The following IGF1 variants were observed in gnomAD, a reference collection of about 807,000 sequenced individuals.
IGF1 encodes the protein insulin like growth factor 1, also known as insulin-like growth factor 1.
In IGF1, 4 loss-of-function variants were observed where a neutral mutation model predicts 13.8. The observed-to-expected ratio is 0.29, with a 90% CI of 0.14 to 0.66. The LOEUF (loss-of-function observed/expected upper bound fraction) is 0.66. Among genes scored for constraint, IGF1 ranks in the 30% least tolerant of loss-of-function variants. The probability of loss-of-function intolerance (pLI) is 0.78; values close to 1 mark genes in which losing one functional copy is unlikely to be tolerated. For synonymous variants in IGF1, 76 were observed against 72.6 expected (o/e 1.05, Z -0.23); for missense variants, 124 against 188.5 (o/e 0.66, Z 2.00).
chr12:102,437,590 A>G (rs1219351246), intron 2 of IGF1, among the ~76,000 whole-genome samples: 1 of 152,208 alleles, frequency 6.6e-6, no homozygotes, highest in African/African-American at 2.4e-5. Context: ...AGAAGTAGAG[A>G]GTAGAATAGT....
At chr12:102,441,089 C>A (rs1033301594) in intron 2 of IGF1, among the ~76,000 whole-genome samples, 1 of 152,192 alleles carries the variant, frequency 6.6e-6, no homozygotes, top group Admixed American at 6.5e-5. Flanking sequence ...GCAGTCCCTT[C>A]ACTGCACTTT....
chr12:102,442,150 T>A (rs1468985182), intron 2 of IGF1, among the ~76,000 whole-genome samples: 1 of 150,722 alleles, frequency 6.6e-6, no homozygotes, highest in Non-Finnish European at 1.5e-5. Flanking sequence ...GGTCTCACTA[T>A]GCTGCTCAGG....
intron 2 of IGF1, among the ~76,000 whole-genome samples, chr12:102,429,291 T>G (rs1876521841): frequency 6.6e-6 from 1 of 152,204 alleles, no homozygotes; most frequent in Non-Finnish European, 1.5e-5. Context: ...TCTTAATATA[T>G]TATTGCTTAA....
intron 2 of IGF1, among the ~76,000 whole-genome samples, chr12:102,466,775 C>A (rs564299469): frequency 6.6e-6 from 1 of 151,976 alleles, no homozygotes; most frequent in East Asian, 1.9e-4. Flanking sequence ...TGGTGGCATG[C>A]GCCTATGGTC....
At chr12:102,418,091 T>C in intron 3 of IGF1, 1 of 1,401,542 alleles carries the variant, frequency 7.1e-7, no homozygotes, top group Non-Finnish European at 9.8e-7. Context: ...AGGCTCCATA[T>C]GATGCAGGAG....
chr12:102,473,113 A>G lies in IGF1; in HGVS notation c.220+2530T>C, dbSNP rs111563920. On this transcript the variant is annotated intron_variant, in intron 2 of 3. Transcript: ENST00000337514. Reference sequence around the variant, plus strand: ...TACTATAGCATCCAGGCTATGAGCTAGACACTTGGATTCAAATGTAAATAA... The same window carrying G: ...TACTATAGCATCCAGGCTATGAGCTGGACACTTGGATTCAAATGTAAATAA... 8.7e-4 allele frequency among the ~76,000 whole-genome samples: 133 copies of G among 152,326 alleles called. 1 individual carries two copies. Among genetic ancestry groups the G allele is most frequent in the South Asian group, 3.5e-3 (17 of 4,826 alleles).
chr12:102,441,958 T>TTCTTCTTC (rs1180940405), intron 2 of IGF1, among the ~76,000 whole-genome samples: 2,386 of 41,014 alleles, frequency 0.058, 43 homozygotes, highest in East Asian at 0.17. Context: ...TCTTCTTCTT[T>TTCTTCTTC]TTTTTTTTTG....
intron 2 of IGF1, among the ~76,000 whole-genome samples, chr12:102,432,933 C>T (rs898455613): frequency 5.9e-5 from 9 of 152,192 alleles, no homozygotes; most frequent in African/African-American, 1.4e-4. Flanking sequence ...TCACCAAGTA[C>T]GTATGAGGTT....
intron 2 of IGF1, among the ~76,000 whole-genome samples, chr12:102,443,117 G>C (rs951175702): frequency 6.6e-6 from 1 of 151,988 alleles, no homozygotes; most frequent in Non-Finnish European, 1.5e-5. Context: ...CTCAGGGATA[G>C]CGTCTTTGGC....
chr12:102,425,848 A>C (rs1876155250), intron 2 of IGF1, among the ~76,000 whole-genome samples: 1 of 152,224 alleles, frequency 6.6e-6, no homozygotes, highest in African/African-American at 2.4e-5. Flanking sequence ...ACAATTTACT[A>C]GCTTAGGTCT....
At chr12:102,458,754 A>G (rs1424445590) in intron 2 of IGF1, among the ~76,000 whole-genome samples, 1 of 151,712 alleles carries the variant, frequency 6.6e-6, no homozygotes, top group African/African-American at 2.4e-5. Context: ...AAAACCAAAA[A>G]CAAAGTGCTG....
intron 2 of IGF1, among the ~76,000 whole-genome samples, chr12:102,443,920 G>A (rs921910092): frequency 5.3e-5 from 8 of 151,814 alleles, no homozygotes; most frequent in Admixed American, 3.3e-4. Flanking sequence ...TCTGCCTCCC[G>A]GGGTTCAAGT....
At chr12:102,478,158 A>G (rs1307428517) in intron 1 of IGF1, among the ~76,000 whole-genome samples, 1 of 151,976 alleles carries the variant, frequency 6.6e-6, no homozygotes, top group Non-Finnish European at 1.5e-5. Flanking sequence ...TGAAAACAAT[A>G]CCGAACTTGC....
intron 2 of IGF1, among the ~76,000 whole-genome samples, chr12:102,469,700 C>T (rs151019974): frequency 6.6e-6 from 1 of 152,110 alleles, no homozygotes; most frequent in Non-Finnish European, 1.5e-5. Context: ...TTGGAAGCAT[C>T]TCCCTATGCT....
intron 2 of IGF1, among the ~76,000 whole-genome samples, chr12:102,452,984 T>G (rs1008589129): frequency 6.6e-6 from 1 of 152,230 alleles, no homozygotes; most frequent in Non-Finnish European, 1.5e-5. Flanking sequence ...AAAAAGGCTT[T>G]AATTAAATTG....
At chr12:102,464,957 G>A (rs1265296254) in intron 2 of IGF1, among the ~76,000 whole-genome samples, 2 of 152,130 alleles carry the variant, frequency 1.3e-5, no homozygotes, top group South Asian at 2.1e-4. Flanking sequence ...ATCACCTCGT[G>A]GGGAACAAAG....
chr12:102,445,917 A>G (rs1878280568), intron 2 of IGF1, among the ~76,000 whole-genome samples: 1 of 152,060 alleles, frequency 6.6e-6, no homozygotes, highest in South Asian at 2.1e-4. Flanking sequence ...ATCAATACCT[A>G]GTTTATTGAG....
intron 2 of IGF1, among the ~76,000 whole-genome samples, chr12:102,429,053 T>C (rs1300902027): frequency 6.6e-6 from 1 of 152,208 alleles, no homozygotes; most frequent in Non-Finnish European, 1.5e-5. Context: ...AATAAATTAC[T>C]GCTAAGTTCA....
intron 2 of IGF1, among the ~76,000 whole-genome samples, chr12:102,452,489 A>T (rs1879052340): frequency 6.6e-6 from 1 of 152,118 alleles, no homozygotes; most frequent in Admixed American, 6.5e-5. Flanking sequence ...TGCTCAGTAA[A>T]TATTTGCACA....
Sources: gnomAD v4.1 joint callset for allele counts (sites outside exome capture counted in the v4.1 genomes callset) on GRCh38, gnomAD v4.1.1 for gene constraint, MANE v1.5 for transcripts, NCBI Gene and HGNC (gene_info 2026-07-23, HGNC 2026-07-21) for gene names.